Variants in ARHGEF3 observed in about 807,000 individuals in gnomAD.
The protein encoded by ARHGEF3 is Rho guanine nucleotide exchange factor 3, also known as 59.8 kDA protein.
In ARHGEF3, 28 loss-of-function variants were observed where a neutral mutation model predicts 63.2. The observed-to-expected ratio is 0.44, with a 90% CI of 0.33 to 0.61. ARHGEF3 has a LOEUF of 0.61. Ranked by LOEUF, ARHGEF3 falls within the 20% of genes least tolerant of loss-of-function variation. ARHGEF3 has a pLI of 0.03. For missense variants in ARHGEF3, 533 were observed against 659.3 expected (o/e 0.81, Z 2.10); for synonymous variants, 266 against 254.2 (o/e 1.05, Z -0.44).
chr3:57,027,624 G>T (rs776537977), intron 2 of ARHGEF3, among the ~76,000 whole-genome samples: 75 of 152,170 alleles, frequency 4.9e-4, no homozygotes, highest in Non-Finnish European at 8.8e-4. Flanking sequence ...GGAGGCTGAG[G>T]TGGGTGGATC....
At chr3:56,941,660 ACACT>A (rs1276117007) in intron 3 of ARHGEF3, among the ~76,000 whole-genome samples, 2 of 152,230 alleles carry the variant, frequency 1.3e-5, no homozygotes, top group African/African-American at 4.8e-5. Flanking sequence ...AAGGCAATAC[ACACT>A]CTCTTTAAAA....
chr3:56,747,165 C>T (rs2034441893), intron 6 of ARHGEF3, among the ~76,000 whole-genome samples: 1 of 152,166 alleles, frequency 6.6e-6, no homozygotes, highest in Admixed American at 6.6e-5. Flanking sequence ...CTCAGGCCCT[C>T]TTCATTTAAT....
At chr3:56,749,979 C>T (rs1285144956) in intron 6 of ARHGEF3, among the ~76,000 whole-genome samples, 5 of 151,540 alleles carry the variant, frequency 3.3e-5, no homozygotes, top group African/African-American at 7.3e-5. Flanking sequence ...GCAGATGTAA[C>T]GGAATAAAGA....
At chr3:56,944,150 A>C (rs11717773) in intron 3 of ARHGEF3, among the ~76,000 whole-genome samples, 17,562 of 152,164 alleles carry the variant, frequency 0.12, 1,274 homozygotes, top group East Asian at 0.25. Context: ...TCCAGCATGG[A>C]TGACAGAGCG....
Position 56,764,075 on chromosome 3 carries a change from C to T in ARHGEF3, c.205-8924G>A, listed in dbSNP as rs536563602. On this transcript the variant is annotated intron_variant, in intron 2 of 9. Transcript: ENST00000296315. The stretch of plus-strand genomic sequence containing the variant: ...GCACATTAAAACCATGGTAAAAGGG[C>T]ACCCAATTAATTCATAATCAATAAA... Among the ~76,000 whole-genome samples, 5 of 151,048 alleles carry T rather than the reference C, an allele frequency of 3.3e-5. No homozygotes were observed. In the East Asian group the frequency reaches 7.8e-4, roughly 24 times the overall value.
At chr3:56,809,425 G>C (rs2037983650) in intron 4 of ARHGEF3, among the ~76,000 whole-genome samples, 1 of 152,166 alleles carries the variant, frequency 6.6e-6, no homozygotes, top group Admixed American at 6.5e-5. Flanking sequence ...CAAACTCAGT[G>C]ATTAAATGAA....
intron 1 of ARHGEF3, among the ~76,000 whole-genome samples, chr3:57,064,198 G>A (rs899162333): frequency 2.0e-5 from 3 of 152,156 alleles, no homozygotes; most frequent in African/African-American, 7.2e-5. Flanking sequence ...GAGCCTGGGG[G>A]GTAGAGGTTG....
intron 8 of ARHGEF3, among the ~76,000 whole-genome samples, chr3:56,733,732 C>T (rs1202329735): frequency 1.3e-5 from 2 of 151,832 alleles, no homozygotes; most frequent in African/African-American, 4.8e-5. Flanking sequence ...GCCTGGAATC[C>T]CAGCACTTTG....
At chr3:56,757,175 T>C (rs2035125436) in intron 2 of ARHGEF3, among the ~76,000 whole-genome samples, 1 of 152,106 alleles carries the variant, frequency 6.6e-6, no homozygotes, top group South Asian at 2.1e-4. Context: ...AGGGCATTGT[T>C]AAATAAGTTG....
chr3:56,848,018 G>A (rs1396241048), intron 4 of ARHGEF3, among the ~76,000 whole-genome samples: 1 of 152,164 alleles, frequency 6.6e-6, no homozygotes, highest in Admixed American at 6.5e-5. Flanking sequence ...GAGACATCAC[G>A]ACTACAATAA....
At chr3:56,997,230 C>A (rs1702029213) in intron 2 of ARHGEF3, among the ~76,000 whole-genome samples, 1 of 152,142 alleles carries the variant, frequency 6.6e-6, no homozygotes, top group African/African-American at 2.4e-5. Flanking sequence ...GTCTTTCTGA[C>A]CCTCATGACC....
intron 2 of ARHGEF3, among the ~76,000 whole-genome samples, chr3:56,983,063 T>A (rs1254500031): frequency 1.3e-5 from 2 of 151,582 alleles, no homozygotes; most frequent in Non-Finnish European, 2.9e-5. Flanking sequence ...ATAAAAAAAA[T>A]AATAATTTAA....
intron 3 of ARHGEF3, among the ~76,000 whole-genome samples, chr3:56,934,339 C>T (rs2108400870): frequency 6.6e-6 from 1 of 152,380 alleles, no homozygotes; most frequent in Admixed American, 6.5e-5. Flanking sequence ...CTTGGCACCT[C>T]CTCTGCCTGG....
intron 1 of ARHGEF3, among the ~76,000 whole-genome samples, chr3:57,054,509 A>T (rs1704820350): frequency 6.6e-6 from 1 of 150,794 alleles, no homozygotes; most frequent in African/African-American, 2.4e-5. Flanking sequence ...ATGATGGTGC[A>T]TGCCTGTGGT....
chr3:56,926,456 T>TAGTC (rs1280978038), intron 3 of ARHGEF3, among the ~76,000 whole-genome samples: 1 of 152,260 alleles, frequency 6.6e-6, no homozygotes, highest in African/African-American at 2.4e-5. Context: ...AATACAGTAC[T>TAGTC]AGTCAGATGC....
intron 3 of ARHGEF3, among the ~76,000 whole-genome samples, chr3:56,931,236 C>T (rs997158793): frequency 3.9e-5 from 6 of 152,228 alleles, no homozygotes; most frequent in South Asian, 4.1e-4. Flanking sequence ...ACACAAGTTC[C>T]GTGATGGGAA....
chr3:56,834,575 C>T (rs2039045285), intron 4 of ARHGEF3, among the ~76,000 whole-genome samples: 1 of 151,890 alleles, frequency 6.6e-6, no homozygotes, highest in African/African-American at 2.4e-5. Flanking sequence ...GACCATCAAA[C>T]TTTGTGAAAC....
chr3:56,856,769 A>C (rs1319084620), intron 4 of ARHGEF3, among the ~76,000 whole-genome samples: 2 of 150,462 alleles, frequency 1.3e-5, no homozygotes, highest in African/African-American at 4.9e-5. Flanking sequence ...TGCTGTAATA[A>C]AACTGGAATT....
At chr3:56,776,230 G>A (rs1261955999) in intron 1 of ARHGEF3, among the ~76,000 whole-genome samples, 1 of 152,194 alleles carries the variant, frequency 6.6e-6, no homozygotes, top group African/African-American at 2.4e-5. Context: ...TTTCTGCACA[G>A]CTATAAGATG....
Sources: allele counts gnomAD v4.1 joint callset (sites outside exome capture counted in the v4.1 genomes callset), GRCh38; gene constraint gnomAD v4.1.1; transcripts MANE v1.5; gene names NCBI Gene and HGNC (gene_info 2026-07-23, HGNC 2026-07-21).